The following CSMD1 variants were observed in gnomAD, a reference collection of about 807,000 sequenced individuals.
CSMD1 encodes CUB and Sushi multiple domains 1, also known as CUB and sushi domain-containing protein 1.
CSMD1 carries 213 observed loss-of-function variants against 417.5 expected under a neutral mutation model. The ratio of observed to expected loss-of-function variants is 0.51; its 90% confidence interval spans 0.46 to 0.57. The LOEUF (loss-of-function observed/expected upper bound fraction) is 0.57. Among genes scored for constraint, CSMD1 ranks in the 20% least tolerant of loss-of-function variants. The pLI is 0.00. For missense variants in CSMD1, 6,923 were observed against 4,529.7 expected, an observed-to-expected ratio of 1.53 and a Z score of -15.17; for synonymous variants, 2,862 against 1,736.8, an observed-to-expected ratio of 1.65 and a Z score of -16.11.
In CSMD1 at chr8:2,973,405, C is replaced by T. The variant is rs1484883430; in HGVS notation, c.8741-106G>A. 13 of 1,130,756 alleles carry T rather than the reference C, an allele frequency of 1.1e-5. No individual in the cohort carries two copies. The Admixed American group carries it at 1.9e-4, about 17-fold the overall frequency. 70.0% of individuals were successfully genotyped at this position (1,130,756 alleles called of 1,614,324 possible). ...AAAAGTTGTTGAAATTTGTGTTTCA[C>T]ATGAGTTATGGTTACACAACATTCT... On this transcript the variant is annotated intron_variant, in intron 56 of 69. Transcript: ENST00000635120.
At chr8:4,704,963 C>T (rs1379955602) in intron 1 of CSMD1, among the ~76,000 whole-genome samples, 1 of 152,194 alleles carries the variant, frequency 6.6e-6, no homozygotes, top group Non-Finnish European at 1.5e-5. Context: ...GTGTCCAAAT[C>T]TAACTTCCAA....
At chr8:2,980,929 G>A (rs1353235386) in intron 54 of CSMD1, among the ~76,000 whole-genome samples, 1 of 152,128 alleles carries the variant, frequency 6.6e-6, no homozygotes, top group Non-Finnish European at 1.5e-5. Flanking sequence ...AATATTCCTT[G>A]AGCCCCATGT....
chr8:4,447,143 C>G (rs1237800813), intron 2 of CSMD1, among the ~76,000 whole-genome samples: 1 of 152,104 alleles, frequency 6.6e-6, no homozygotes, highest in Non-Finnish European at 1.5e-5. Context: ...ATGTTAAAGA[C>G]AAACAACATT....
chr8:3,970,746 T>C (rs1466009491), intron 5 of CSMD1, among the ~76,000 whole-genome samples: 1 of 151,822 alleles, frequency 6.6e-6, no homozygotes, highest in African/African-American at 2.4e-5. Flanking sequence ...TGGCATCTTG[T>C]TTTTTGTTTT....
At chr8:4,738,073 C>T (rs1006036681) in intron 1 of CSMD1, among the ~76,000 whole-genome samples, 1 of 152,210 alleles carries the variant, frequency 6.6e-6, no homozygotes, top group African/African-American at 2.4e-5. Flanking sequence ...GATAAGATTA[C>T]ATGCCAACAC....
chr8:3,610,058 C>T (rs1563197220), intron 8 of CSMD1, among the ~76,000 whole-genome samples: 2 of 152,062 alleles, frequency 1.3e-5, no homozygotes, highest in South Asian at 2.1e-4. Context: ...CCTTAGCCTA[C>T]AGCACCCAGC....
chr8:2,939,120 T>G (rs1362817690), intron 69 of CSMD1, among the ~76,000 whole-genome samples: 1 of 152,214 alleles, frequency 6.6e-6, no homozygotes, highest in Non-Finnish European at 1.5e-5. Context: ...TTACTTATGC[T>G]TCCTACAAAT....
chr8:3,755,530 G>C (rs984766667), intron 5 of CSMD1, among the ~76,000 whole-genome samples: 6 of 152,094 alleles, frequency 3.9e-5, no homozygotes, highest in African/African-American at 1.2e-4. Context: ...CTGCGTGTGG[G>C]CCTGCCTGTG....
rs1801435801 is a variant in CSMD1 at position 3,817,275 on chromosome 8, T to C, written c.819-63233A>G. Among the ~76,000 whole-genome samples the C allele has an allele frequency of 1.1e-4, 8 of 72,706 alleles. 1 individual carries two copies. The highest frequency in any genetic ancestry group is 4.4e-4 in the African/African-American group (7 of 15,858). The allele number at this position is 72,706 out of a possible 152,430, so 47.7% of individuals were successfully genotyped here. A position where few individuals can be genotyped will look rare whatever the true frequency, so the allele number is the denominator to read the frequency against. On this transcript the variant is annotated intron_variant, in intron 5 of 69. Transcript: ENST00000635120. ...TTCTTTTTTTTTTTTTTTTTTTTTT[T>C]TTTTTTTTTTTTTTTTTTTTTTTGA...
Position 3,703,226 on chromosome 8 carries a change from A to G in CSMD1, c.1009+5188T>C, listed in dbSNP as rs554336803. Among the ~76,000 whole-genome samples the G allele has an allele frequency of 6.6e-5, 10 of 152,320 alleles. No homozygotes were observed. In the South Asian group the frequency reaches 1.7e-3, roughly 25 times the overall value. On this transcript the variant is annotated intron_variant, in intron 7 of 69. Transcript: ENST00000635120. ...CGCACAGAAGAGTTGAAATATCTCT[A>G]AAGACTACAGTCGCGCTGCCCTATG... is the stretch of plus-strand genomic sequence containing the variant.
intron 50 of CSMD1, among the ~76,000 whole-genome samples, chr8:3,044,015 G>T (rs910283606): frequency 5.9e-5 from 9 of 152,148 alleles, no homozygotes; most frequent in Non-Finnish European, 1.2e-4. Context: ...GGAAAAAAAA[G>T]CACTAAAATC....
At chr8:3,304,637 A>T (rs1032368393) in intron 25 of CSMD1, among the ~76,000 whole-genome samples, 8 of 152,204 alleles carry the variant, frequency 5.3e-5, no homozygotes, top group Non-Finnish European at 1.2e-4. Flanking sequence ...TGTGTACCTC[A>T]TATTGAAATA....
chr8:3,911,835 G>A (rs1205991434), intron 5 of CSMD1, among the ~76,000 whole-genome samples: 1 of 152,122 alleles, frequency 6.6e-6, no homozygotes, highest in Non-Finnish European at 1.5e-5. Flanking sequence ...TTCTTAGACT[G>A]CCACAAACAA....
chr8:4,240,664 A>C (rs1348513910), intron 3 of CSMD1, among the ~76,000 whole-genome samples: 1 of 152,004 alleles, frequency 6.6e-6, no homozygotes, highest in Admixed American at 6.6e-5. Context: ...CCCCTTATAC[A>C]CTCCTGGCTC....
intron 5 of CSMD1, among the ~76,000 whole-genome samples, chr8:3,812,811 T>A (rs530380852): frequency 1.3e-5 from 2 of 152,300 alleles, no homozygotes; most frequent in South Asian, 4.1e-4. Context: ...GTCTTTCCTT[T>A]GAGGTTGCTA....
At chr8:4,475,192 T>C (rs1388915895) in intron 2 of CSMD1, among the ~76,000 whole-genome samples, 1 of 152,220 alleles carries the variant, frequency 6.6e-6, no homozygotes, top group Non-Finnish European at 1.5e-5. Flanking sequence ...TACAGGGCTG[T>C]GAATATATAT....
intron 10 of CSMD1, among the ~76,000 whole-genome samples, chr8:3,547,000 C>T (rs1249931289): frequency 1.3e-5 from 2 of 152,194 alleles, no homozygotes; most frequent in Admixed American, 6.5e-5. Flanking sequence ...AACAGCGTCT[C>T]CCCTCCTGTC....
chr8:4,048,886 T>G (rs1798282471), intron 3 of CSMD1, among the ~76,000 whole-genome samples: 1 of 152,202 alleles, frequency 6.6e-6, no homozygotes, highest in South Asian at 2.1e-4. Context: ...TTACAGCTGC[T>G]ACATACAAAA....
At chr8:3,834,201 T>A (rs939168274) in intron 5 of CSMD1, among the ~76,000 whole-genome samples, 7 of 152,172 alleles carry the variant, frequency 4.6e-5, no homozygotes, top group Admixed American at 3.3e-4. Flanking sequence ...ATTTTAAAAT[T>A]TTTTTTCTTT....
Sources: gnomAD v4.1 joint callset for allele counts (sites outside exome capture counted in the v4.1 genomes callset) on GRCh38, gnomAD v4.1.1 for gene constraint, MANE v1.5 for transcripts, NCBI Gene and HGNC (gene_info 2026-07-23, HGNC 2026-07-21) for gene names.